LEKR1: variants seen among roughly 807,000 people sequenced by gnomAD.
The protein encoded by LEKR1 is protein LEKR1.
LEKR1 carries 59 observed loss-of-function variants against 72.4 expected under a neutral mutation model. The ratio of observed to expected loss-of-function variants is 0.82; its 90% CI spans 0.66 to 1.01. The LOEUF (loss-of-function observed/expected upper bound fraction) is 1.01, where lower values mean the gene tolerates loss of function less well. Among genes scored for constraint, LEKR1 ranks in the 50% least tolerant of loss-of-function variants. LEKR1 has a pLI of 0.00. For synonymous variants in LEKR1, 257 were observed against 263.2 expected (o/e 0.98, Z 0.23); for missense variants, 728 against 759.2 (o/e 0.96, Z 0.48).
At chr3:156,950,114 A>C (rs1727017475) in intron 6 of LEKR1, among the ~76,000 whole-genome samples, 1 of 151,166 alleles carries the variant, frequency 6.6e-6, no homozygotes, top group Non-Finnish European at 1.5e-5. Context: ...TAATATATCC[A>C]TTTCACCCAA....
intron 12 of LEKR1, among the ~76,000 whole-genome samples, chr3:157,044,248 A>C (rs1381745629): frequency 6.6e-6 from 1 of 152,228 alleles, no homozygotes; most frequent in Non-Finnish European, 1.5e-5. Flanking sequence ...TTTACTTACT[A>C]GGATACTGCT....
chr3:156,952,778 A>G (rs771894366), intron 6 of LEKR1, among the ~76,000 whole-genome samples: 3 of 151,574 alleles, frequency 2.0e-5, no homozygotes, highest in South Asian at 2.1e-4. Context: ...TTTGAAGCAT[A>G]GTAATACCAA....
chr3:156,844,790 T>C (rs1714373757), intron 2 of LEKR1, among the ~76,000 whole-genome samples: 1 of 152,172 alleles, frequency 6.6e-6, no homozygotes, highest in African/African-American at 2.4e-5. Context: ...TTTTTCCACT[T>C]TTCAGCTGCT....
intron 9 of LEKR1, among the ~76,000 whole-genome samples, chr3:156,998,947 G>T (rs1430125176): frequency 2.6e-5 from 4 of 152,096 alleles, no homozygotes; most frequent in Non-Finnish European, 4.4e-5. Context: ...CGTGTCATGG[G>T]AGGGACCCAG....
chr3:156,997,295 T>G (rs1731658314), intron 9 of LEKR1, among the ~76,000 whole-genome samples: 1 of 152,328 alleles, frequency 6.6e-6, no homozygotes. Context: ...ACTTTTTTCC[T>G]TCAGTAAACT....
intron 5 of LEKR1, among the ~76,000 whole-genome samples, chr3:156,940,295 G>C (rs574232839): frequency 2.0e-5 from 3 of 152,266 alleles, no homozygotes; most frequent in African/African-American, 7.2e-5. Flanking sequence ...TACAAATGAT[G>C]TAAATTGCTG....
intron 5 of LEKR1, among the ~76,000 whole-genome samples, chr3:156,932,212 A>G (rs1412522303): frequency 6.6e-6 from 1 of 152,178 alleles, no homozygotes; most frequent in African/African-American, 2.4e-5. Flanking sequence ...CAATAATTTT[A>G]ACTTCTCTAT....
rs1560063925 is a variant in LEKR1, at chr3:156,899,477, CATACAT to C, written c.264-21096_264-21091del. Reference sequence around the variant, plus strand: ...ATACACATATATACATGTATATATACATACATACATATATACACATATATACATGTA... The same window carrying C: ...ATACACATATATACATGTATATATACACATATATACACATATATACATGTA... On this transcript the variant is annotated intron_variant, in intron 3 of 12. Coordinates refer to ENST00000356539, the MANE Select transcript of LEKR1 (RefSeq NM_001004316.3). Among the ~76,000 whole-genome samples the C allele has an allele frequency of 2.8e-3, 221 of 78,256 alleles. 1 individual carries two copies. Among genetic ancestry groups the C allele is most frequent in the Non-Finnish European group, 4.8e-3 (183 of 38,228 alleles). The allele number at this position is 78,256 out of a possible 152,430, so 51.3% of individuals were successfully genotyped here.
Position 157,045,906 on chromosome 3 carries a change from GA to G in LEKR1, c.*160del. 1.5e-6 allele frequency: 1 copy of G among 666,954 alleles called. No homozygotes were observed. Among genetic ancestry groups the G allele is most frequent in the Non-Finnish European group, 2.4e-6 (1 of 408,450 alleles). The allele number at this position is 666,954 out of a possible 1,614,324, so 41.3% of individuals were successfully genotyped here. A position where few individuals can be genotyped will look rare whatever the true frequency, so the allele number is the denominator to read the frequency against. ...TTTAACAAAAGACTGTAAAAAGCTGGAAAATTGTGAAGCCTTATTTTTCAAG... is the reference window on the plus strand; with the variant it reads ...TTTAACAAAAGACTGTAAAAAGCTGGAAATTGTGAAGCCTTATTTTTCAAG... On this transcript the variant is annotated 3_prime_UTR_variant, in exon 13 of 13. Transcript: ENST00000356539.
intron 3 of LEKR1, among the ~76,000 whole-genome samples, chr3:156,856,860 A>T (rs62275165): frequency 0.032 from 4,838 of 152,214 alleles, 116 homozygotes; most frequent in Non-Finnish European, 0.048. Flanking sequence ...ATATGCAAAT[A>T]GTGCCTGTCA....
In LEKR1 at chr3:156,997,402, T is replaced by C. The variant is rs1195382010; in HGVS notation, c.1109+4125T>C. Among the ~76,000 whole-genome samples the C allele has an allele frequency of 2.0e-5, 3 of 152,342 alleles. No homozygotes were observed. In the South Asian group the frequency reaches 6.2e-4, roughly 32 times the overall value. ...AAATTTCCTTAAGCAGTTGGAGGTG[T>C]GAACATCCCTCCAAAAGAAGCAGCT... On this transcript the variant is annotated intron_variant, in intron 9 of 12. Coordinates refer to ENST00000356539, the MANE Select transcript of LEKR1 (RefSeq NM_001004316.3).
At chr3:156,826,804 A>G (rs1711659845) in intron 1 of LEKR1, 1 of 155,324 alleles carries the variant, frequency 6.4e-6, no homozygotes, top group Non-Finnish European at 1.5e-5. Flanking sequence ...TCCCGCCTTC[A>G]CCTGCCCCTG....
chr3:156,993,795 T>C (rs1022749004), intron 9 of LEKR1, among the ~76,000 whole-genome samples: 15 of 152,216 alleles, frequency 9.9e-5, no homozygotes, highest in Non-Finnish European at 1.9e-4. Flanking sequence ...GCTTCCAAGA[T>C]ACTTTTGTTT....
rs567626640 is a variant in LEKR1, at chr3:157,022,621, G to C, written c.1204-2139G>C. Among the ~76,000 whole-genome samples the C allele has an allele frequency of 2.0e-5, 3 of 152,258 alleles. No homozygotes were observed. In the East Asian group the frequency reaches 5.8e-4, roughly 29 times the overall value. ...GTCCTGAAATAAGAGGGAGAAACAG[G>C]CTTTGGGAAGAGTGTTGTTACAAGA... On this transcript the variant is annotated intron_variant, in intron 10 of 12. Coordinates refer to ENST00000356539, the MANE Select transcript of LEKR1 (RefSeq NM_001004316.3).
chr3:156,984,497 T>C (rs993740389), intron 7 of LEKR1, among the ~76,000 whole-genome samples: 1 of 152,002 alleles, frequency 6.6e-6, no homozygotes, highest in African/African-American at 2.4e-5. Context: ...ACCAATATGG[T>C]GAAACCTCGC....
chr3:156,854,623 C>G (rs1715821888), intron 3 of LEKR1, among the ~76,000 whole-genome samples: 1 of 151,542 alleles, frequency 6.6e-6, no homozygotes, highest in Non-Finnish European at 1.5e-5. Context: ...TCACTGTAGC[C>G]TTGACCTTCC....
intron 2 of LEKR1, among the ~76,000 whole-genome samples, chr3:156,843,451 C>G (rs1714183794): frequency 6.6e-6 from 1 of 151,738 alleles, no homozygotes; most frequent in African/African-American, 2.4e-5. Flanking sequence ...TTCAGGAAAT[C>G]TTTATTACCA....
chr3:156,907,412 A>G lies in LEKR1; in HGVS notation c.264-13163A>G, dbSNP rs779428918. On this transcript the variant is annotated intron_variant, in intron 3 of 12. Transcript: ENST00000356539. ...CTAGGACATACAAGTCTACTTTATT[A>G]TATTTTTATTTTTTGTATACTATTC... Among the ~76,000 whole-genome samples the G allele has an allele frequency of 2.6e-5, 4 of 152,068 alleles. No individual in the cohort carries two copies. In the East Asian group the frequency reaches 7.7e-4, roughly 29 times the overall value.
chr3:156,859,630 C>G (rs888497716), intron 3 of LEKR1, among the ~76,000 whole-genome samples: 2 of 152,150 alleles, frequency 1.3e-5, no homozygotes. Context: ...ACGTTTTACT[C>G]TTGGTATTAT....
Sources: allele counts gnomAD v4.1 joint callset (sites outside exome capture counted in the v4.1 genomes callset), GRCh38; gene constraint gnomAD v4.1.1; transcripts MANE v1.5; gene names NCBI Gene and HGNC (gene_info 2026-07-23, HGNC 2026-07-21).